The following CDKAL1 variants were observed in gnomAD, a reference collection of about 807,000 sequenced individuals.
CDKAL1 encodes threonylcarbamoyladenosine tRNA methylthiotransferase.
A neutral mutation model predicts 68.2 loss-of-function variants in CDKAL1; 32 were observed. That is an observed-to-expected ratio of 0.47 (90% CI 0.35 to 0.63). CDKAL1 has a LOEUF of 0.63. Ranked by LOEUF, CDKAL1 falls within the 30% of genes least tolerant of loss-of-function variation. CDKAL1 has a pLI of 0.00. For missense variants in CDKAL1, 606 were observed against 696.7 expected (o/e 0.87, Z 1.47); for synonymous variants, 234 against 244.3 (o/e 0.96, Z 0.39).
intron 8 of CDKAL1, among the ~76,000 whole-genome samples, chr6:20,821,851 T>C (rs1777292333): frequency 6.6e-6 from 1 of 152,186 alleles, no homozygotes; most frequent in South Asian, 2.1e-4. Context: ...CAATAAACCA[T>C]TAATATATCA....
chr6:20,646,662 G>A (rs1292960095), intron 4 of CDKAL1, among the ~76,000 whole-genome samples: 1 of 152,110 alleles, frequency 6.6e-6, no homozygotes, highest in Non-Finnish European at 1.5e-5. Flanking sequence ...ACTTGAAAAT[G>A]ACTGGGTAGA....
At chr6:20,663,265 T>C (rs948503989) in intron 5 of CDKAL1, among the ~76,000 whole-genome samples, 8 of 151,834 alleles carry the variant, frequency 5.3e-5, no homozygotes, top group African/African-American at 1.9e-4. Context: ...ACTGCACACA[T>C]TGTTGCTCCC....
Position 20,784,385 on chromosome 6 carries a change from GT to G in CDKAL1, c.638+3128del, listed in dbSNP as rs1165351509. ...TTTAATTATTGCATTATTTTTAAGT[GT>G]TTTTTTTCTTCCAGATATTTTATTT... On this transcript the variant is annotated intron_variant, in intron 8 of 15. Transcript: ENST00000274695. Among the ~76,000 whole-genome samples, 9 of 70,988 alleles carry G rather than the reference GT, an allele frequency of 1.3e-4. No individual in the cohort carries two copies. The East Asian group carries it at 3.3e-3, about 26-fold the overall frequency. The allele number at this position is 70,988 out of a possible 152,430, so 46.6% of individuals were successfully genotyped here.
chr6:20,896,103 CTTTT>C (rs777787310), intron 9 of CDKAL1, among the ~76,000 whole-genome samples: 1 of 90,148 alleles, frequency 1.1e-5, no homozygotes, highest in South Asian at 3.6e-4. Context: ...CTTTTCTTTT[CTTTT>C]TTTTTTTTTT....
chr6:20,826,395 T>C (rs1051433330), intron 8 of CDKAL1, among the ~76,000 whole-genome samples: 1 of 152,202 alleles, frequency 6.6e-6, no homozygotes, highest in Non-Finnish European at 1.5e-5. Context: ...TGAAAGTTGC[T>C]ATTTTCAGGT....
intron 9 of CDKAL1, among the ~76,000 whole-genome samples, chr6:20,872,960 G>A (rs995491531): frequency 3.3e-5 from 5 of 152,274 alleles, no homozygotes; most frequent in Middle Eastern, 3.4e-3. Flanking sequence ...GTCGGTAATG[G>A]AACTAGAGAT....
intron 11 of CDKAL1, among the ~76,000 whole-genome samples, chr6:21,031,742 G>A (rs963576657): frequency 7.9e-5 from 12 of 151,978 alleles, no homozygotes; most frequent in African/African-American, 1.9e-4. Context: ...CCTTTACTTC[G>A]TGTGCTTTTA....
intron 9 of CDKAL1, among the ~76,000 whole-genome samples, chr6:20,880,403 G>A (rs1172651253): frequency 2.0e-5 from 3 of 151,924 alleles, no homozygotes; most frequent in Non-Finnish European, 2.9e-5. Flanking sequence ...CTACAGGCAC[G>A]CACCACCATG....
chr6:20,809,783 A>G (rs1004233685), intron 8 of CDKAL1, among the ~76,000 whole-genome samples: 3 of 152,206 alleles, frequency 2.0e-5, no homozygotes, highest in Non-Finnish European at 4.4e-5. Context: ...GTGACAGAAA[A>G]TCAGAGATTG....
intron 13 of CDKAL1, among the ~76,000 whole-genome samples, chr6:21,137,927 A>G (rs1775697778): frequency 6.6e-6 from 1 of 152,232 alleles, no homozygotes; most frequent in Non-Finnish European, 1.5e-5. Flanking sequence ...CGCTCTGTGT[A>G]GCATACGCAT....
intron 13 of CDKAL1, among the ~76,000 whole-genome samples, chr6:21,131,797 T>C (rs1165152538): frequency 6.7e-6 from 1 of 148,330 alleles, no homozygotes; most frequent in Admixed American, 6.8e-5. Context: ...TGTTTTTATT[T>C]TAAAAATATT....
chr6:21,056,743 A>G (rs1770859289), intron 11 of CDKAL1, among the ~76,000 whole-genome samples: 1 of 152,172 alleles, frequency 6.6e-6, no homozygotes, highest in Admixed American at 6.5e-5. Context: ...GGGATGTTGA[A>G]TTTTATCAAA....
At chr6:21,071,623 T>C in intron 12 of CDKAL1, among the ~76,000 whole-genome samples, 1 of 152,214 alleles carries the variant, frequency 6.6e-6, no homozygotes, top group East Asian at 1.9e-4. Context: ...TGGTCGTTTG[T>C]CTTTTTCTCC....
Position 21,197,985 on chromosome 6 carries a change from T to C in CDKAL1, c.1300-36T>C, listed in dbSNP as rs772705198. 7 of 1,385,368 alleles carry C rather than the reference T, an allele frequency of 5.1e-6. No individual in the cohort carries two copies. The South Asian group carries it at 8.7e-5, about 17-fold the overall frequency. 85.8% of individuals were successfully genotyped at this position (1,385,368 alleles called of 1,614,324 possible). A position where few individuals can be genotyped will look rare whatever the true frequency, so the allele number is the denominator to read the frequency against. ...TTTTGGATTCACAGGTGTTTACCCT[T>C]ATCTTTCCTTTCTTTCCCTCCCCTT... is the stretch of plus-strand genomic sequence containing the variant. On this transcript the variant is annotated intron_variant, in intron 13 of 15. Transcript: ENST00000274695.
chr6:20,935,106 G>C (rs988645344), intron 9 of CDKAL1, among the ~76,000 whole-genome samples: 1 of 152,040 alleles, frequency 6.6e-6, no homozygotes, highest in African/African-American at 2.4e-5. Context: ...ATGTTGGCCA[G>C]GCTAGTCTTG....
At position 20,537,289 on chromosome 6, in the gene CDKAL1, A is replaced by G. The variant is rs114536860; in HGVS notation, c.-6+1895A>G. 8.1e-3 allele frequency among the ~76,000 whole-genome samples: 1,235 copies of G among 152,266 alleles called. 22 individuals are homozygous for G. The highest frequency in any genetic ancestry group is 0.028 in the African/African-American group (1,154 of 41,572). On this transcript the variant is annotated intron_variant, in intron 2 of 15. Coordinates refer to ENST00000274695, the MANE Select transcript of CDKAL1 (RefSeq NM_017774.3). ...CTACTCTTGGAGATTCTAATTCAGA[A>G]TGGAACCTGGAGATTTGATATGATG... is the stretch of plus-strand genomic sequence containing the variant.
At chr6:20,942,575 C>T (rs1021454313) in intron 9 of CDKAL1, among the ~76,000 whole-genome samples, 1 of 150,366 alleles carries the variant, frequency 6.7e-6, no homozygotes, top group African/African-American at 2.4e-5. Flanking sequence ...CCATCTTAGT[C>T]AGGCTGGTCT....
intron 9 of CDKAL1, among the ~76,000 whole-genome samples, chr6:20,950,588 G>A (rs1001167821): frequency 6.6e-6 from 1 of 152,136 alleles, no homozygotes; most frequent in African/African-American, 2.4e-5. Context: ...CTTAGTGGGA[G>A]AATACAGGCT....
chr6:21,167,128 G>C (rs749383796), intron 13 of CDKAL1, among the ~76,000 whole-genome samples: 11 of 152,198 alleles, frequency 7.2e-5, no homozygotes, highest in Non-Finnish European at 1.6e-4. Context: ...TGGCTTGCCT[G>C]TTTGTACATC....
Sources: gnomAD v4.1 joint callset for allele counts (sites outside exome capture counted in the v4.1 genomes callset) on GRCh38, gnomAD v4.1.1 for gene constraint, MANE v1.5 for transcripts, NCBI Gene and HGNC (gene_info 2026-07-23, HGNC 2026-07-21) for gene names.